Variants in CMYA5 observed in about 807,000 individuals in gnomAD.
The protein encoded by CMYA5 is cardiomyopathy-associated protein 5.
Under a neutral mutation model 318.9 loss-of-function variants are expected in CMYA5, and 246 were observed. That is an observed-to-expected ratio of 0.77 (90% CI 0.70 to 0.86). The LOEUF is 0.86. Among genes scored for constraint, CMYA5 ranks in the 40% least tolerant of loss-of-function variants. The probability of loss-of-function intolerance (pLI) is 0.00; values close to 1 mark genes in which losing one functional copy is unlikely to be tolerated. For missense variants in CMYA5, 4,589 were observed against 4,678.2 expected (o/e 0.98, Z 0.56); for synonymous variants, 1,641 against 1,729.5 (o/e 0.95, Z 1.27).
intron 1 of CMYA5, among the ~76,000 whole-genome samples, chr5:79,712,802 A>G (rs1300711257): frequency 6.6e-6 from 1 of 152,030 alleles, no homozygotes; most frequent in East Asian, 1.9e-4. Flanking sequence ...TTGTATTAGG[A>G]AAAAAAAGTC....
At chr5:79,723,989 A>G (rs1827697374) in intron 1 of CMYA5, among the ~76,000 whole-genome samples, 1 of 152,104 alleles carries the variant, frequency 6.6e-6, no homozygotes, top group African/African-American at 2.4e-5. Context: ...ACAGGATAGA[A>G]AAGAAAATAT....
intron 9 of CMYA5, among the ~76,000 whole-genome samples, chr5:79,771,895 A>G (rs1828862747): frequency 6.6e-6 from 1 of 152,194 alleles, no homozygotes; most frequent in South Asian, 2.1e-4. Context: ...GGGTGGTACC[A>G]TGCATCCTTA....
chr5:79,700,982 C>T (rs1246126324), intron 1 of CMYA5, among the ~76,000 whole-genome samples: 3 of 151,350 alleles, frequency 2.0e-5, no homozygotes, highest in South Asian at 4.2e-4. Flanking sequence ...CAGTGGCTCA[C>T]ACCTGTAATC....
At chr5:79,721,888 A>G (rs1827645576) in intron 1 of CMYA5, among the ~76,000 whole-genome samples, 1 of 152,234 alleles carries the variant, frequency 6.6e-6, no homozygotes, top group Non-Finnish European at 1.5e-5. Flanking sequence ...GAAAATGTTA[A>G]CACATTTCTC....
In CMYA5 at chr5:79,789,156, C is replaced by A. The variant is rs1304512887; in HGVS notation, c.11689+52C>A. On this transcript the variant is annotated intron_variant, in intron 10 of 12. Transcript: ENST00000446378. ...CTATTTCCAAGCTATTTCTTCCCTTCCACCCCTCAGAGAAGATGTCCTAGA... is the reference window on the plus strand; with the variant it reads ...CTATTTCCAAGCTATTTCTTCCCTTACACCCCTCAGAGAAGATGTCCTAGA... The A allele has an allele frequency of 6.9e-6, 11 of 1,603,706 alleles. No homozygotes were observed. In the Admixed American group the frequency reaches 1.9e-4, roughly 27 times the overall value.
intron 12 of CMYA5, among the ~76,000 whole-genome samples, chr5:79,798,615 A>C (rs1171244379): frequency 6.6e-6 from 1 of 152,170 alleles, no homozygotes; most frequent in Non-Finnish European, 1.5e-5. Flanking sequence ...CGAGTTTCAA[A>C]TGTGGGCAGT....
At position 79,727,497 on chromosome 5, in the gene CMYA5, T is replaced by C. The variant is rs182577062; in HGVS notation, c.150-1418T>C. The stretch of plus-strand genomic sequence containing the variant: ...TTCAATTGTCTTAATTTAACACTTA[T>C]GTTTCGTGTTTTTAACAGAAGGTTT... On this transcript the variant is annotated intron_variant, in intron 1 of 12. Transcript: ENST00000446378. 2.0e-4 allele frequency among the ~76,000 whole-genome samples: 31 copies of C among 152,332 alleles called. 1 individual carries two copies. The South Asian group carries it at 4.8e-3, about 23-fold the overall frequency.
At chr5:79,702,168 A>G (rs73123821) in intron 1 of CMYA5, among the ~76,000 whole-genome samples, 7,203 of 152,146 alleles carry the variant, frequency 0.047, 516 homozygotes, top group African/African-American at 0.16. Flanking sequence ...CCTAACCAAT[A>G]CTTTGGGAGG....
chr5:79,752,688 A>G lies in CMYA5; in HGVS notation c.11004A>G (p.Ala3668=). ...FEEINERLLS[A]MESTASLEKM... ...TATTCCCCGATAGGTTGCTTTCTGC[A>G]ATGGAGAGCACTGCTTCTTTAGAGA... Residue 3668 remains alanine (A), a synonymous_variant, in exon 6 of 13, where the codon GCA becomes GCG. Transcript: ENST00000446378. The G allele has an allele frequency of 6.2e-7, 1 of 1,612,524 alleles. No individual in the cohort carries two copies. The highest frequency in any genetic ancestry group is 8.5e-7 in the Non-Finnish European group (1 of 1,178,910).
chr5:79,788,972 T>A lies in CMYA5; in HGVS notation c.11557T>A (p.Ser3853Thr). 1.9e-6 allele frequency: 3 copies of A among 1,613,330 alleles called. No homozygotes were observed. Among genetic ancestry groups the A allele is most frequent in the Non-Finnish European group, 2.5e-6 (3 of 1,179,514 alleles). The change falls in exon 10 of 13, where the codon TCT becomes ACT. Residue 3853 changes from serine to threonine, a missense_variant and splice_region_variant. By Grantham distance (58) the Ser-to-Thr change is moderately conservative (BLOSUM62 1). Around this residue, in one of 3 missense-constraint regions of CMYA5, gnomAD observed 2,431 missense variants for 2,495.1 expected, o/e 0.97. Coordinates refer to ENST00000446378, the MANE Select transcript of CMYA5 (RefSeq NM_153610.5). ...TTATTATTTTCCTCTTGTATTTAGA[T>A]CTTTCTCTGGAATCAAAGGACTCCA... ...QHSPEGEGLR[S>T]FSGIKGLQLK...
At chr5:79,740,177 T>C (rs973226495) in intron 2 of CMYA5, among the ~76,000 whole-genome samples, 1 of 152,134 alleles carries the variant, frequency 6.6e-6, no homozygotes, top group Non-Finnish European at 1.5e-5. Context: ...ATCAGAGACT[T>C]GAGCATCTTC....
chr5:79,708,669 G>A (rs890056422), intron 1 of CMYA5, among the ~76,000 whole-genome samples: 1 of 152,092 alleles, frequency 6.6e-6, no homozygotes, highest in African/African-American at 2.4e-5. Flanking sequence ...GCTGGGTGTG[G>A]TGGCTCACTC....
intron 9 of CMYA5, among the ~76,000 whole-genome samples, chr5:79,773,718 GA>G (rs1329472407): frequency 6.6e-6 from 1 of 152,182 alleles, no homozygotes; most frequent in African/African-American, 2.4e-5. Context: ...ATGAATGAAT[GA>G]ATGAAGGGGA....
intron 9 of CMYA5, among the ~76,000 whole-genome samples, chr5:79,785,235 A>C (rs1476536962): frequency 6.6e-6 from 1 of 151,978 alleles, no homozygotes; most frequent in African/African-American, 2.4e-5. Context: ...TTCCTGGTAG[A>C]TTAGGTTGCC....
In CMYA5 at chr5:79,732,980, A is replaced by G. The variant is rs762688666; in HGVS notation, c.4215A>G (p.Thr1405=). 6 of 1,613,450 alleles carry G rather than the reference A, an allele frequency of 3.7e-6. No homozygotes were observed. The highest frequency in any genetic ancestry group is 4.2e-6 in the Non-Finnish European group (5 of 1,179,636). Residue 1405 remains threonine, a synonymous_variant, in exon 2 of 13, where the codon ACA becomes ACG. Coordinates refer to ENST00000446378, the MANE Select transcript of CMYA5 (RefSeq NM_153610.5). ...GAAGTGGTTTGCCACCACTGGTAACATCTGCAGATGAACATTCAGTTCTTG... is the reference window on the plus strand; with the variant it reads ...GAAGTGGTTTGCCACCACTGGTAACGTCTGCAGATGAACATTCAGTTCTTG... The part of the protein sequence containing the change: ...ELGSGLPPLV[T]SADEHSVLAE...
At chr5:79,796,140 G>C (rs1330032551) in intron 12 of CMYA5, among the ~76,000 whole-genome samples, 1 of 152,094 alleles carries the variant, frequency 6.6e-6, no homozygotes, top group Non-Finnish European at 1.5e-5. Flanking sequence ...GGCCTGTAGG[G>C]ACCGGGGACC....
intron 1 of CMYA5, 71 bp downstream of exon 1, chr5:79,690,127 A>C: frequency 7.3e-7 from 1 of 1,376,576 alleles, no homozygotes; most frequent in East Asian, 3.1e-5. Context: ...GTTTGCTTTA[A>C]GTTTTTAAGC....
chr5:79,742,196 CTTCT>C (rs2151089642), intron 2 of CMYA5, among the ~76,000 whole-genome samples: 1 of 141,408 alleles, frequency 7.1e-6, no homozygotes, highest in South Asian at 2.5e-4. Flanking sequence ...TTCCTTTTTT[CTTCT>C]TTCTTCTTTG....
At position 79,731,642 on chromosome 5, in the gene CMYA5, G is replaced by A. The variant is rs377050764; in HGVS notation, c.2877G>A (p.Pro959=). Residue 959 remains proline (P), a synonymous_variant, in exon 2 of 13, where the codon CCG becomes CCA. Coordinates refer to ENST00000446378, the MANE Select transcript of CMYA5 (RefSeq NM_153610.5). ...SAFVSEFSFP[P]YATQEAEKRE... is the part of the protein sequence containing the mutation. ...TTGTGTCAGAATTCTCATTTCCACCGTATGCAACCCAGGAAGCAGAGAAAA... is the reference window on the plus strand; with the variant it reads ...TTGTGTCAGAATTCTCATTTCCACCATATGCAACCCAGGAAGCAGAGAAAA... 2.9e-5 allele frequency: 46 copies of A among 1,613,750 alleles called. No individual in the cohort carries two copies. The South Asian group carries it at 3.4e-4, about 12-fold the overall frequency.
Sources: allele counts gnomAD v4.1 joint callset (sites outside exome capture counted in the v4.1 genomes callset), GRCh38; gene constraint gnomAD v4.1.1; regional missense constraint gnomAD v4.1.1; transcripts MANE v1.5; gene names NCBI Gene and HGNC (gene_info 2026-07-23, HGNC 2026-07-21).